TPGS2: variants seen among roughly 807,000 people sequenced by gnomAD.
TPGS2 encodes the protein polyglutamylase subunit 2.
TPGS2 carries 26 observed loss-of-function variants against 31.1 expected under a neutral mutation model. The observed-to-expected ratio is 0.84, with a 90% CI of 0.61 to 1.16. TPGS2 has a LOEUF of 1.16. TPGS2 is among the 50% of genes most tolerant of loss of function. The pLI, the probability that TPGS2 is intolerant of heterozygous loss-of-function variation, is 0.00. For synonymous variants in TPGS2, 130 were observed against 136.6 expected, an observed-to-expected ratio of 0.95 and a Z score of 0.34; for missense variants, 351 against 363.8, an observed-to-expected ratio of 0.96 and a Z score of 0.29.
At chr18:36,803,415 T>C (rs1189626174) in intron 4 of TPGS2, among the ~76,000 whole-genome samples, 1 of 152,200 alleles carries the variant, frequency 6.6e-6, no homozygotes, top group African/African-American at 2.4e-5. Flanking sequence ...ACAAGTAATT[T>C]GTTATTTTTG....
chr18:36,825,411 G>A (rs1362900448), intron 1 of TPGS2, among the ~76,000 whole-genome samples: 5 of 133,602 alleles, frequency 3.7e-5, no homozygotes, highest in African/African-American at 1.1e-4. Context: ...CAGCCTGGGC[G>A]ACAGAGCGAG....
At chr18:36,805,675 C>T (rs1046589889) in intron 3 of TPGS2, among the ~76,000 whole-genome samples, 173 bp from the exon 4 acceptor site, 3 of 152,108 alleles carry the variant, frequency 2.0e-5, no homozygotes, top group Non-Finnish European at 4.4e-5. Flanking sequence ...AAAGTACCAA[C>T]CTTTCATACA....
chr18:36,820,524 GA>G (rs917221958), intron 1 of TPGS2, among the ~76,000 whole-genome samples: 21 of 152,230 alleles, frequency 1.4e-4, no homozygotes, highest in African/African-American at 5.1e-4. Context: ...ATATGGAAGA[GA>G]AGGGCATGCA....
chr18:36,780,209 G>C (rs2043971258), downstream of TPGS2: 28 of 1,231,178 alleles, frequency 2.3e-5, no homozygotes, highest in Non-Finnish European at 2.8e-5. Context: ...TTAATAGAGT[G>C]AGTAACATCA....
chr18:36,808,511 G>A (rs1454876453), intron 2 of TPGS2, among the ~76,000 whole-genome samples: 1 of 151,916 alleles, frequency 6.6e-6, no homozygotes, highest in African/African-American at 2.4e-5. Context: ...GGTGGCGGGC[G>A]CCTGTAGTCC....
chr18:36,808,443 C>G (rs2045268589), intron 2 of TPGS2, among the ~76,000 whole-genome samples: 1 of 152,084 alleles, frequency 6.6e-6, no homozygotes, highest in African/African-American at 2.4e-5. Flanking sequence ...TGGAGACCAT[C>G]TTGGCTAACA....
intron 6 of TPGS2, among the ~76,000 whole-genome samples, chr18:36,784,155 T>C (rs936006091): frequency 2.6e-5 from 4 of 152,202 alleles, no homozygotes; most frequent in East Asian, 1.9e-4. Flanking sequence ...TCCAGAAATA[T>C]GATAAAATAA....
chr18:36,796,047 G>C lies in TPGS2; in HGVS notation c.*758C>G. 2.0e-6 allele frequency: 2 copies of C among 985,440 alleles called. No individual in the cohort carries two copies. The highest frequency in any genetic ancestry group is 2.4e-6 in the Non-Finnish European group (2 of 829,938). The allele number at this position is 985,440 out of a possible 1,614,324, so 61.0% of individuals were successfully genotyped here. ...GTACAAACATCATAACACAAAACTG[G>C]AAGCAAGAAACTTCACTGGAAACTG... On this transcript the variant is annotated 3_prime_UTR_variant, in exon 7 of 7. Coordinates refer to ENST00000334295, the MANE Select transcript of TPGS2 (RefSeq NM_015476.4).
At chr18:36,791,965 C>A (rs2044325138), downstream of TPGS2, among the ~76,000 whole-genome samples, 1 of 149,158 alleles carries the variant, frequency 6.7e-6, no homozygotes, top group Non-Finnish European at 1.5e-5. Context: ...GAAGTCAAGG[C>A]TGCAGTGAGC....
intron 2 of TPGS2, among the ~76,000 whole-genome samples, chr18:36,811,303 CT>C (rs938974184): frequency 2.0e-5 from 3 of 152,162 alleles, no homozygotes; most frequent in Non-Finnish European, 2.9e-5. Context: ...AGGTGGAGGG[CT>C]TGGTTAACTG....
intron 1 of TPGS2, among the ~76,000 whole-genome samples, chr18:36,825,228 C>T (rs371974541): frequency 1.3e-5 from 2 of 151,960 alleles, no homozygotes; most frequent in South Asian, 2.1e-4. Flanking sequence ...GTCAGGAGAT[C>T]GAGACCATCC....
intron 3 of TPGS2, among the ~76,000 whole-genome samples, chr18:36,807,099 A>G (rs1324290551): frequency 6.6e-6 from 1 of 151,710 alleles, no homozygotes; most frequent in Non-Finnish European, 1.5e-5. Context: ...AGAGACAATA[A>G]TGGACTGGAG....
chr18:36,828,647 TCCACA>T, intron 1 of TPGS2, 31 bp downstream of exon 1: 3 of 1,611,908 alleles, frequency 1.9e-6, no homozygotes, highest in Non-Finnish European at 2.5e-6. Flanking sequence ...TTCCTTCTCC[TCCACA>T]CCCTCTCGGC....
intron 6 of TPGS2, among the ~76,000 whole-genome samples, chr18:36,785,515 G>T (rs1325700617): frequency 6.6e-6 from 1 of 152,214 alleles, no homozygotes; most frequent in African/African-American, 2.4e-5. Context: ...TGGATATGGT[G>T]AGAGGTTATT....
At chr18:36,820,739 G>A (rs1147760) in intron 1 of TPGS2, among the ~76,000 whole-genome samples, 40,689 of 152,090 alleles carry the variant, frequency 0.27, 8,073 homozygotes, top group African/African-American at 0.56. Flanking sequence ...TTATCATGTT[G>A]TCTTAGTAGC....
At chr18:36,802,050 G>T (rs1439798870) in intron 4 of TPGS2, among the ~76,000 whole-genome samples, 1 of 152,202 alleles carries the variant, frequency 6.6e-6, no homozygotes, top group Non-Finnish European at 1.5e-5. Flanking sequence ...AAGTTCTCTA[G>T]TCTCTTCTTC....
intron 2 of TPGS2, among the ~76,000 whole-genome samples, chr18:36,815,887 C>T (rs1322495825): frequency 1.3e-5 from 2 of 152,016 alleles, no homozygotes; most frequent in East Asian, 1.9e-4. Context: ...GGAGTTGTCT[C>T]ATTATGTTGT....
intron 6 of TPGS2, among the ~76,000 whole-genome samples, chr18:36,784,823 G>A (rs959790306): frequency 6.6e-5 from 10 of 152,020 alleles, no homozygotes; most frequent in African/African-American, 2.4e-4. Context: ...TTATTTTCTT[G>A]TTCTTTTAGA....
At chr18:36,828,145 GC>G (rs141023485) in intron 1 of TPGS2, among the ~76,000 whole-genome samples, 4,602 of 152,258 alleles carry the variant, frequency 0.03, 243 homozygotes, top group African/African-American at 0.11. Context: ...TCCAGCCTGG[GC>G]AACAAGAGCA....
Sources: gnomAD v4.1 joint callset for allele counts (sites outside exome capture counted in the v4.1 genomes callset) on GRCh38, gnomAD v4.1.1 for gene constraint, MANE v1.5 for transcripts, NCBI Gene and HGNC (gene_info 2026-07-23, HGNC 2026-07-21) for gene names.